Variants in FNBP1L observed in about 807,000 individuals in gnomAD.
FNBP1L encodes formin binding protein 1 like.
In FNBP1L, 36 loss-of-function variants were observed where a neutral mutation model predicts 91.2. The observed-to-expected ratio is 0.39, with a 90% CI of 0.30 to 0.52. The LOEUF is 0.52. Ranked by LOEUF, FNBP1L falls within the 20% of genes least tolerant of loss-of-function variation. The pLI is 0.66. For synonymous variants in FNBP1L, 242 were observed against 237.0 expected (o/e 1.02, Z -0.19); for missense variants, 571 against 732.1 (o/e 0.78, Z 2.54).
intron 2 of FNBP1L, among the ~76,000 whole-genome samples, chr1:93,505,267 A>G (rs1302523920): frequency 6.6e-6 from 1 of 152,074 alleles, no homozygotes; most frequent in Non-Finnish European, 1.5e-5. Flanking sequence ...TTGAACATAA[A>G]TTTATTTAGT....
intron 1 of FNBP1L, among the ~76,000 whole-genome samples, chr1:93,487,229 A>G (rs912956689): frequency 2.6e-5 from 4 of 152,038 alleles, no homozygotes; most frequent in African/African-American, 9.7e-5. Flanking sequence ...CTTCCCCCCA[A>G]ATGTTGGCTT....
intron 8 of FNBP1L, among the ~76,000 whole-genome samples, chr1:93,533,928 A>C (rs1294234186): frequency 6.6e-6 from 1 of 152,190 alleles, no homozygotes; most frequent in African/African-American, 2.4e-5. Flanking sequence ...GACTAAATGA[A>C]GGGCAAAATG....
Position 93,459,433 on chromosome 1 carries a change from T to C in FNBP1L, c.24+11128T>C, listed in dbSNP as rs946184981. ...GGCTGAGGACCTGAGCATAAATTTCTGGAAAGAAGACATGTAATTGGCCAA... is the reference window on the plus strand; with the variant it reads ...GGCTGAGGACCTGAGCATAAATTTCCGGAAAGAAGACATGTAATTGGCCAA... On this transcript the variant is annotated intron_variant, in intron 1 of 16. Coordinates refer to ENST00000271234, the MANE Select transcript of FNBP1L (RefSeq NM_001164473.3). Among the ~76,000 whole-genome samples the C allele has an allele frequency of 4.6e-5, 7 of 152,288 alleles. No individual in the cohort carries two copies. The East Asian group carries it at 1.3e-3, about 29-fold the overall frequency.
At chr1:93,454,466 T>G (rs1469646982) in intron 1 of FNBP1L, among the ~76,000 whole-genome samples, 1 of 152,192 alleles carries the variant, frequency 6.6e-6, no homozygotes, top group South Asian at 2.1e-4. Context: ...CTGAATACTT[T>G]GGTGGCAGGA....
intron 1 of FNBP1L, among the ~76,000 whole-genome samples, chr1:93,496,776 C>T (rs1670277055): frequency 1.3e-5 from 2 of 152,110 alleles, no homozygotes; most frequent in Non-Finnish European, 2.9e-5. Context: ...AATGAGTCTC[C>T]CATCTGGGCC....
chr1:93,543,013 CA>C (rs1445450434), intron 11 of FNBP1L, among the ~76,000 whole-genome samples: 3 of 151,922 alleles, frequency 2.0e-5, no homozygotes, highest in Non-Finnish European at 4.4e-5. Context: ...AGTCTGGCCT[CA>C]AACTCCTGAC....
chr1:93,523,834 A>C (rs1671414078), intron 4 of FNBP1L, among the ~76,000 whole-genome samples: 1 of 152,236 alleles, frequency 6.6e-6, no homozygotes, highest in Admixed American at 6.5e-5. Flanking sequence ...TCCATACATA[A>C]AATTTTATTG....
At chr1:93,478,070 A>T (rs1038553950) in intron 1 of FNBP1L, among the ~76,000 whole-genome samples, 2 of 152,242 alleles carry the variant, frequency 1.3e-5, no homozygotes, top group Non-Finnish European at 2.9e-5. Context: ...TGTGTGAATT[A>T]AGAATCTTTC....
At chr1:93,463,505 G>T (rs902022357) in intron 1 of FNBP1L, among the ~76,000 whole-genome samples, 1 of 152,060 alleles carries the variant, frequency 6.6e-6, no homozygotes, top group African/African-American at 2.4e-5. Context: ...ATTTCCTTAT[G>T]TAACCATCTG....
chr1:93,472,842 A>G (rs903391722), intron 1 of FNBP1L, among the ~76,000 whole-genome samples: 2 of 139,588 alleles, frequency 1.4e-5, no homozygotes, highest in Admixed American at 7.3e-5. Context: ...AAAAAAAAAA[A>G]AAAAAATCCT....
chr1:93,513,428 C>G (rs969583888), intron 2 of FNBP1L, among the ~76,000 whole-genome samples: 3 of 152,146 alleles, frequency 2.0e-5, no homozygotes, highest in African/African-American at 7.2e-5. Flanking sequence ...ATGAGGCCAG[C>G]ATCATCCTGA....
chr1:93,510,389 C>T (rs1312130397), intron 2 of FNBP1L, among the ~76,000 whole-genome samples: 16 of 152,260 alleles, frequency 1.1e-4, no homozygotes, highest in African/African-American at 3.9e-4. Flanking sequence ...AGACCTGCAG[C>T]TGAGGGTCCT....
At chr1:93,525,635 A>G (rs1455584126) in intron 5 of FNBP1L, among the ~76,000 whole-genome samples, 3 of 152,198 alleles carry the variant, frequency 2.0e-5, no homozygotes, top group African/African-American at 7.2e-5. Flanking sequence ...GGCACAAATT[A>G]TTCTTAATAG....
intron 1 of FNBP1L, among the ~76,000 whole-genome samples, chr1:93,479,925 T>C (rs907233597): frequency 7.2e-5 from 11 of 152,128 alleles, no homozygotes; most frequent in African/African-American, 1.2e-4. Context: ...GTTTAAGAGA[T>C]TAAAGTAAGA....
At chr1:93,498,898 A>G (rs1485529716) in intron 1 of FNBP1L, among the ~76,000 whole-genome samples, 1 of 152,228 alleles carries the variant, frequency 6.6e-6, no homozygotes, top group East Asian at 1.9e-4. Flanking sequence ...TAGCTTGCCC[A>G]GTTTCAAACA....
intron 2 of FNBP1L, among the ~76,000 whole-genome samples, chr1:93,503,005 T>C (rs561511417): frequency 1.3e-5 from 2 of 152,240 alleles, no homozygotes; most frequent in Non-Finnish European, 2.9e-5. Flanking sequence ...AAAAATTCTT[T>C]TGGTTAACTC....
chr1:93,514,406 G>T (rs1360729956), intron 2 of FNBP1L, among the ~76,000 whole-genome samples: 1 of 108,572 alleles, frequency 9.2e-6, no homozygotes, highest in Admixed American at 9.2e-5. Context: ...TCACAGAATT[G>T]GAAAAAACTA....
At chr1:93,497,241 C>A (rs758836476) in intron 1 of FNBP1L, among the ~76,000 whole-genome samples, 1 of 152,088 alleles carries the variant, frequency 6.6e-6, no homozygotes, top group Non-Finnish European at 1.5e-5. Context: ...GGATTACAGG[C>A]GTGAGCCAGT....
In FNBP1L at chr1:93,533,024, T is replaced by G. The variant is rs1199521972; in HGVS notation, c.742T>G (p.Leu248Val). ...RKVIPIISKC[L>V]EGMILAAKSV... ...AGTTATTCCCATCATTTCAAAATGTTTGGAAGGAATGATTCTTGCAGCAAA... is the reference window on the plus strand; with the variant it reads ...AGTTATTCCCATCATTTCAAAATGTGTGGAAGGAATGATTCTTGCAGCAAA... The change falls in exon 8 of 17, where the codon TTG (leucine) becomes GTG (valine). Residue 248 changes from leucine to valine, a missense_variant. Physicochemically the swap from Leu to Val is conservative, Grantham distance 32 (BLOSUM62 1). This residue lies in a region of FNBP1L where 220 missense variants were observed against 313.6 expected (regional missense o/e 0.70). Transcript: ENST00000271234. The G allele has an allele frequency of 1.2e-6, 2 of 1,613,042 alleles. No individual in the cohort carries two copies. Among genetic ancestry groups the G allele is most frequent in the Non-Finnish European group, 1.7e-6 (2 of 1,179,452 alleles).
Sources: gnomAD v4.1 joint callset for allele counts (sites outside exome capture counted in the v4.1 genomes callset) on GRCh38, gnomAD v4.1.1 for gene constraint, gnomAD v4.1.1 regional missense constraint, MANE v1.5 for transcripts, NCBI Gene and HGNC (gene_info 2026-07-23, HGNC 2026-07-21) for gene names.